Variants in EPHX4 observed in about 807,000 individuals in gnomAD.
EPHX4 encodes the protein epoxide hydrolase 4, also known as abhydrolase domain containing 7.
In EPHX4, 31 loss-of-function variants were observed where a neutral mutation model predicts 44.9. The ratio of observed to expected loss-of-function variants is 0.69; its 90% CI spans 0.52 to 0.93. The LOEUF is 0.93. Ranked by LOEUF, EPHX4 falls within the 40% of genes least tolerant of loss-of-function variation. EPHX4 has a pLI of 0.00. For missense variants in EPHX4, 373 were observed against 438.1 expected (o/e 0.85, Z 1.33); for synonymous variants, 151 against 159.7 (o/e 0.95, Z 0.41).
intron 4 of EPHX4, among the ~76,000 whole-genome samples, chr1:92,048,457 G>T (rs977006952): frequency 6.6e-6 from 1 of 152,152 alleles, no homozygotes; most frequent in Non-Finnish European, 1.5e-5. Context: ...GCCCTGTCAG[G>T]TCAATATGAG....
At position 92,030,133 on chromosome 1, in the gene EPHX4, G is replaced by T. The variant is rs1232014236; in HGVS notation, c.54G>T (p.Leu18=). The T allele has an allele frequency of 6.2e-7, 1 of 1,612,388 alleles. No homozygotes were observed. The highest frequency in any genetic ancestry group is 8.5e-7 in the Non-Finnish European group (1 of 1,179,290). The change falls in exon 1 of 7, where the codon CTG becomes CTT. Residue 18 remains leucine (L), a synonymous_variant. Transcript: ENST00000370383. ...LPRLMLTLRS[L]LFWSLVYCYC... ...GCCTGATGCTCACGCTCCGGTCCCTGCTCTTCTGGTCCCTGGTCTACTGCT... is the reference window on the plus strand; with the variant it reads ...GCCTGATGCTCACGCTCCGGTCCCTTCTCTTCTGGTCCCTGGTCTACTGCT...
At chr1:92,041,000 T>C (rs1257969002) in intron 2 of EPHX4, among the ~76,000 whole-genome samples, 1 of 152,106 alleles carries the variant, frequency 6.6e-6, no homozygotes, top group Non-Finnish European at 1.5e-5. Flanking sequence ...TTTTAATGCA[T>C]ATTTTGAGTC....
intron 3 of EPHX4, among the ~76,000 whole-genome samples, chr1:92,044,189 AG>A (rs1470658305): frequency 6.6e-6 from 1 of 152,200 alleles, no homozygotes; most frequent in East Asian, 1.9e-4. Flanking sequence ...AGCATGGATC[AG>A]GCCAATATTT....
chr1:92,046,972 A>G (rs1688591650), intron 4 of EPHX4, among the ~76,000 whole-genome samples: 1 of 152,226 alleles, frequency 6.6e-6, no homozygotes, highest in Admixed American at 6.5e-5. Context: ...CAGGATCAAA[A>G]AATCACATTC....
intron 3 of EPHX4, among the ~76,000 whole-genome samples, 192 bp from the exon 4 acceptor site, chr1:92,045,340 G>A (rs1688568965): frequency 6.6e-6 from 1 of 151,762 alleles, no homozygotes; most frequent in Non-Finnish European, 1.5e-5. Context: ...TCAATCTATA[G>A]GTTTAGAGTG....
At position 92,045,661 on chromosome 1, in the gene EPHX4, G is replaced by A. The variant is rs1688572705; in HGVS notation, c.604+1G>A. On this transcript the variant is annotated splice_donor_variant, in intron 4 of 6. Transcript: ENST00000370383. LOFTEE classifies it high-confidence loss of function. ...TTCCCTCATCCAAATGTATTTACAG[G>A]TGAGTTCAAGTTTTTATCAAAACAG... 5.6e-6 allele frequency: 9 copies of A among 1,613,812 alleles called. No individual in the cohort carries two copies. The highest frequency in any genetic ancestry group is 1.1e-5 in the South Asian group (1 of 91,010).
intron 6 of EPHX4, among the ~76,000 whole-genome samples, chr1:92,056,365 G>A (rs1647371331): frequency 6.6e-6 from 1 of 152,074 alleles, no homozygotes; most frequent in African/African-American, 2.4e-5. Flanking sequence ...GGATGAACTA[G>A]GAATAAGACT....
chr1:92,042,972 A>G lies in EPHX4; in HGVS notation c.467A>G (p.Asp156Gly), dbSNP rs1688531255. 1 of 1,603,826 alleles carries G rather than the reference A, an allele frequency of 6.2e-7. No homozygotes were observed. The highest frequency in any genetic ancestry group is 8.5e-7 in the Non-Finnish European group (1 of 1,174,352). ...ATTACAGATATAAAGGATATTTTAG[A>G]TTCTTTAGGTAGGTTAGTTTGAAAC... is the stretch of plus-strand genomic sequence containing the variant. The part of the protein sequence containing the change: ...CLITDIKDIL[D>G]SLGYSKCVLI... The change falls in exon 3 of 7, where the codon GAT becomes GGT. Residue 156 changes from aspartate (D) to glycine (G), a missense_variant. By Grantham distance (94) the Asp-to-Gly change is moderately conservative. Coordinates refer to ENST00000370383, the MANE Select transcript of EPHX4 (RefSeq NM_173567.5).
At chr1:92,036,966 G>GAA (rs958944749) in intron 2 of EPHX4, among the ~76,000 whole-genome samples, 3 of 144,708 alleles carry the variant, frequency 2.1e-5, no homozygotes, top group South Asian at 2.2e-4. Flanking sequence ...CAAACAACAG[G>GAA]AAAAAAAAAA....
intron 3 of EPHX4, 49 bp from the exon 4 acceptor site, chr1:92,045,483 A>G: frequency 6.2e-7 from 1 of 1,606,718 alleles, no homozygotes; most frequent in Non-Finnish European, 8.5e-7. Flanking sequence ...GTAACAGTGC[A>G]CCCACCTGTT....
intron 6 of EPHX4, among the ~76,000 whole-genome samples, chr1:92,054,343 C>G (rs1487070148): frequency 1.3e-5 from 2 of 152,120 alleles, no homozygotes; most frequent in African/African-American, 4.8e-5. Flanking sequence ...AATCTCAGCA[C>G]TTTGGGAGGC....
intron 3 of EPHX4, chr1:92,043,561 C>G (rs547916680): frequency 5.9e-5 from 9 of 151,980 alleles, no homozygotes; most frequent in African/African-American, 2.2e-4. Context: ...GAACACACAC[C>G]TAAATATTCA....
chr1:92,062,351 C>A (rs1057311307), intron 6 of EPHX4, among the ~76,000 whole-genome samples: 4 of 151,572 alleles, frequency 2.6e-5, no homozygotes, highest in African/African-American at 9.7e-5. Context: ...TTTGGGAGGC[C>A]GAGGCGGGTG....
intron 6 of EPHX4, among the ~76,000 whole-genome samples, chr1:92,053,739 G>A: frequency 6.6e-6 from 1 of 152,166 alleles, no homozygotes; most frequent in Non-Finnish European, 1.5e-5. Context: ...ATGTGCAGCA[G>A]TATGGATAAG....
chr1:92,063,364 G>T lies in EPHX4; in HGVS notation c.*78G>T. 1 of 1,120,892 alleles carries T rather than the reference G, an allele frequency of 8.9e-7. No individual in the cohort carries two copies. 69.4% of individuals were successfully genotyped at this position (1,120,892 alleles called of 1,614,324 possible). A position where few individuals can be genotyped will look rare whatever the true frequency, so the allele number is the denominator to read the frequency against. ...AAAAATTGTTCATCAACTTCTTTATGTTTTATTAGAAAAAAACTGTTTTAA... is the reference window on the plus strand; with the variant it reads ...AAAAATTGTTCATCAACTTCTTTATTTTTTATTAGAAAAAAACTGTTTTAA... On this transcript the variant is annotated 3_prime_UTR_variant, in exon 7 of 7. Coordinates refer to ENST00000370383, the MANE Select transcript of EPHX4 (RefSeq NM_173567.5).
chr1:92,030,719 G>A (rs957460542), intron 1 of EPHX4, among the ~76,000 whole-genome samples: 1 of 151,934 alleles, frequency 6.6e-6, no homozygotes, highest in East Asian at 1.9e-4. Flanking sequence ...TGTTCCTCGT[G>A]GCATCCTAAT....
intron 5 of EPHX4, among the ~76,000 whole-genome samples, chr1:92,050,640 G>A (rs1440629937): frequency 1.3e-5 from 2 of 151,438 alleles, no homozygotes; most frequent in African/African-American, 4.9e-5. Flanking sequence ...TGCCCCTATG[G>A]GCATACCCCT....
intron 6 of EPHX4, among the ~76,000 whole-genome samples, chr1:92,061,133 G>T (rs1647486208): frequency 6.6e-6 from 1 of 152,118 alleles, no homozygotes; most frequent in African/African-American, 2.4e-5. Context: ...GCCCACCTTG[G>T]CCTCCCTAAG....
At chr1:92,046,993 C>T (rs1688591912) in intron 4 of EPHX4, among the ~76,000 whole-genome samples, 1 of 152,110 alleles carries the variant, frequency 6.6e-6, no homozygotes, top group African/African-American at 2.4e-5. Context: ...TTTGACATCA[C>T]CCTAATCTCA....
Sources: gnomAD v4.1 joint callset for allele counts (sites outside exome capture counted in the v4.1 genomes callset) on GRCh38, gnomAD v4.1.1 for gene constraint, MANE v1.5 for transcripts, NCBI Gene and HGNC (gene_info 2026-07-23, HGNC 2026-07-21) for gene names.